SLC39A11: variants seen among roughly 807,000 people sequenced by gnomAD.
SLC39A11 encodes zinc transporter ZIP11.
SLC39A11 carries 33 observed loss-of-function variants against 36.1 expected under a neutral mutation model. The observed-to-expected ratio is 0.91, with a 90% confidence interval of 0.69 to 1.22. SLC39A11 has a LOEUF of 1.22. Among genes scored for constraint, SLC39A11 ranks in the 50% most tolerant of loss-of-function variants. The probability of loss-of-function intolerance (pLI) is 0.00; values close to 1 mark genes in which losing one functional copy is unlikely to be tolerated. For missense variants in SLC39A11, 432 were observed against 430.3 expected (o/e 1.00, Z -0.03); for synonymous variants, 166 against 170.3 (o/e 0.97, Z 0.20).
At chr17:73,085,608 C>T (rs762297517) in intron 2 of SLC39A11, among the ~76,000 whole-genome samples, 1 of 142,694 alleles carries the variant, frequency 7.0e-6, no homozygotes, top group Non-Finnish European at 1.5e-5. Context: ...TGCCATTGCA[C>T]TCTAGCCTAG....
intron 3 of SLC39A11, among the ~76,000 whole-genome samples, chr17:73,075,490 G>A (rs2060289728): frequency 6.6e-6 from 1 of 152,152 alleles, no homozygotes; most frequent in Non-Finnish European, 1.5e-5. Flanking sequence ...AAGGCAGCTG[G>A]ACCAGACATC....
chr17:72,873,108 T>C (rs2080729734), intron 5 of SLC39A11, among the ~76,000 whole-genome samples: 1 of 151,264 alleles, frequency 6.6e-6, no homozygotes, highest in Admixed American at 6.6e-5. Context: ...CTCATATAGC[T>C]GGAGGTTACA....
At chr17:72,685,047 C>T (rs1191390617) in intron 7 of SLC39A11, among the ~76,000 whole-genome samples, 3 of 152,208 alleles carry the variant, frequency 2.0e-5, no homozygotes, top group Non-Finnish European at 4.4e-5. Context: ...AAATGATCAT[C>T]GATTCAACTC....
intron 5 of SLC39A11, among the ~76,000 whole-genome samples, chr17:72,900,212 A>G (rs28507798): frequency 0.5 from 51,922 of 103,478 alleles, 16,359 homozygotes; most frequent in African/African-American, 0.71. Flanking sequence ...AAAGAAAGAA[A>G]GAAAGAAAGA....
intron 4 of SLC39A11, among the ~76,000 whole-genome samples, chr17:73,017,875 T>C (rs1195029464): frequency 6.6e-6 from 1 of 152,218 alleles, no homozygotes; most frequent in African/African-American, 2.4e-5. Context: ...TACTAAGCTA[T>C]GCATGTGCAA....
In SLC39A11 at chr17:73,062,296, T is replaced by TA. The variant is rs1045864190; in HGVS notation, c.147+22511dup. ...GCAACATAGCAAAACCCCATCTCTA[T>TA]AAAAAAAAATACAAAAATTGGGTGT... On this transcript the variant is annotated intron_variant, in intron 3 of 9. Transcript: ENST00000255559. 9.1e-4 allele frequency among the ~76,000 whole-genome samples: 135 copies of TA among 147,758 alleles called. 1 individual carries two copies. The highest frequency in any genetic ancestry group is 2.0e-3 in the African/African-American group (79 of 40,218).
chr17:72,861,657 T>TTTTATA (rs1555605275), intron 5 of SLC39A11, among the ~76,000 whole-genome samples: 2 of 50,962 alleles, frequency 3.9e-5, no homozygotes, highest in African/African-American at 9.2e-5. Flanking sequence ...ATACAACACA[T>TTTTATA]TATATATATA....
chr17:72,785,016 C>T (rs902444798), intron 6 of SLC39A11, among the ~76,000 whole-genome samples: 8 of 151,986 alleles, frequency 5.3e-5, no homozygotes, highest in African/African-American at 1.5e-4. Flanking sequence ...CGCAGGCATG[C>T]GCCCCCATGC....
intron 6 of SLC39A11, among the ~76,000 whole-genome samples, chr17:72,813,052 T>A (rs1435709361): frequency 6.6e-6 from 1 of 152,208 alleles, no homozygotes; most frequent in Non-Finnish European, 1.5e-5. Context: ...AAATGGTTGT[T>A]CGTGAGTCAT....
intron 5 of SLC39A11, among the ~76,000 whole-genome samples, chr17:72,877,766 C>T (rs1380047154): frequency 6.6e-6 from 1 of 152,076 alleles, no homozygotes; most frequent in Non-Finnish European, 1.5e-5. Flanking sequence ...AGGTCCAGAG[C>T]ACGTGATGGC....
chr17:73,080,103 C>T (rs1054118209), intron 3 of SLC39A11, among the ~76,000 whole-genome samples: 3 of 152,108 alleles, frequency 2.0e-5, no homozygotes, highest in African/African-American at 7.2e-5. Context: ...ATCAAAACAC[C>T]ACCATCATTC....
At chr17:73,065,019 T>G (rs2059957601) in intron 3 of SLC39A11, among the ~76,000 whole-genome samples, 2 of 152,092 alleles carry the variant, frequency 1.3e-5, no homozygotes, top group South Asian at 2.1e-4. Context: ...TAGCCATAAA[T>G]TAAATTTATA....
chr17:72,963,379 C>T (rs1009112231), intron 4 of SLC39A11, among the ~76,000 whole-genome samples: 3 of 151,918 alleles, frequency 2.0e-5, no homozygotes, highest in African/African-American at 7.2e-5. Flanking sequence ...ACCGTGTTAG[C>T]CAGGATGGTC....
intron 7 of SLC39A11, among the ~76,000 whole-genome samples, chr17:72,675,543 T>C (rs939808231): frequency 6.6e-6 from 1 of 152,224 alleles, no homozygotes; most frequent in Non-Finnish European, 1.5e-5. Context: ...TCGTGGCTTC[T>C]CTATGACAAG....
intron 6 of SLC39A11, among the ~76,000 whole-genome samples, chr17:72,786,105 G>A (rs1160786322): frequency 6.6e-6 from 1 of 152,208 alleles, no homozygotes; most frequent in Non-Finnish European, 1.5e-5. Context: ...GCAAGCATAT[G>A]CTAAGGCCTT....
chr17:73,026,613 T>C (rs1452638315), intron 4 of SLC39A11, among the ~76,000 whole-genome samples: 1 of 151,956 alleles, frequency 6.6e-6, no homozygotes, highest in Non-Finnish European at 1.5e-5. Context: ...GTAACAATGT[T>C]TGACTGGTTG....
chr17:72,822,815 A>G (rs1269646155), intron 6 of SLC39A11, among the ~76,000 whole-genome samples: 1 of 151,102 alleles, frequency 6.6e-6, no homozygotes, highest in African/African-American at 2.4e-5. Flanking sequence ...CCTGGGCTCA[A>G]GCAATCCTCT....
intron 6 of SLC39A11, among the ~76,000 whole-genome samples, chr17:72,780,438 G>A (rs113614306): frequency 7.7e-4 from 115 of 149,764 alleles, no homozygotes; most frequent in African/African-American, 2.4e-3. Context: ...CTGATAGTCG[G>A]GATGAAAGAG....
At chr17:73,015,167 T>C (rs2090740723) in intron 4 of SLC39A11, among the ~76,000 whole-genome samples, 1 of 152,212 alleles carries the variant, frequency 6.6e-6, no homozygotes, top group African/African-American at 2.4e-5. Context: ...TGTACTGTTT[T>C]TTCTTCCTCC....
Sources: gnomAD v4.1 joint callset for allele counts (sites outside exome capture counted in the v4.1 genomes callset) on GRCh38, gnomAD v4.1.1 for gene constraint, MANE v1.5 for transcripts, NCBI Gene and HGNC (gene_info 2026-07-23, HGNC 2026-07-21) for gene names.